Variants in ZMYM2 observed in about 807,000 individuals in gnomAD.
ZMYM2 encodes the protein zinc finger MYM-type containing 2, also known as zinc finger MYM-type protein 2.
In ZMYM2, 56 loss-of-function variants were observed where a neutral mutation model predicts 162.8. The observed-to-expected ratio is 0.34, with a 90% confidence interval of 0.28 to 0.43. The LOEUF (loss-of-function observed/expected upper bound fraction) is 0.43, where lower values mean the gene tolerates loss of function less well. Ranked by LOEUF, ZMYM2 falls within the 20% of genes least tolerant of loss-of-function variation. ZMYM2 has a pLI of 1.00. For missense variants in ZMYM2, 1,275 were observed against 1,621.8 expected (o/e 0.79, Z 3.67); for synonymous variants, 510 against 541.6 (o/e 0.94, Z 0.81).
At chr13:19,947,451 C>CTT in the ZMYM2 span, among the ~76,000 whole-genome samples, 6 of 130,054 alleles carry the variant, frequency 4.6e-5, no homozygotes, top group African/African-American at 1.1e-4. Flanking sequence ...TCTTCTTCGT[C>CTT]TTTTTTTTTT....
At chr13:20,061,963 A>G (rs1310148678) in intron 17 of ZMYM2, among the ~76,000 whole-genome samples, 1 of 152,242 alleles carries the variant, frequency 6.6e-6, no homozygotes, top group East Asian at 1.9e-4. Flanking sequence ...CTGTTAGGGC[A>G]GTGCTTGCGC....
intron 3 of ZMYM2, among the ~76,000 whole-genome samples, chr13:20,000,986 T>A (rs1950346165): frequency 6.6e-6 from 1 of 152,138 alleles, no homozygotes; most frequent in African/African-American, 2.4e-5. Context: ...TAACCAGAGT[T>A]TGGAAGAAGT....
chr13:20,059,811 G>A (rs963907942), intron 16 of ZMYM2, among the ~76,000 whole-genome samples: 7 of 151,886 alleles, frequency 4.6e-5, no homozygotes, highest in East Asian at 1.9e-4. Flanking sequence ...TAAGGTAGGC[G>A]TATCTTCAGC....
intron 2 of ZMYM2, among the ~76,000 whole-genome samples, chr13:19,988,914 T>G (rs1949389451): frequency 6.6e-6 from 1 of 152,248 alleles, no homozygotes; most frequent in African/African-American, 2.4e-5. Flanking sequence ...TTTTGTCAAC[T>G]GTATATCATC....
At chr13:19,907,163 G>A in the ZMYM2 span, among the ~76,000 whole-genome samples, 1 of 152,022 alleles carries the variant, frequency 6.6e-6, no homozygotes, top group Non-Finnish European at 1.5e-5. Flanking sequence ...CTTACATATT[G>A]AGTTGCATTT....
intron 11 of ZMYM2, among the ~76,000 whole-genome samples, chr13:20,035,043 C>T (rs1426728849): frequency 6.6e-6 from 1 of 152,184 alleles, no homozygotes; most frequent in African/African-American, 2.4e-5. Flanking sequence ...CCCAATGTGA[C>T]ATTCTTGCTC....
At chr13:20,030,018 C>G (rs1952940235) in intron 9 of ZMYM2, among the ~76,000 whole-genome samples, 1 of 151,902 alleles carries the variant, frequency 6.6e-6, no homozygotes, top group African/African-American at 2.4e-5. Context: ...TGGTCTCGAA[C>G]TCCTGACTTC....
chr13:19,911,986 G>C, the ZMYM2 span, among the ~76,000 whole-genome samples: 1 of 152,356 alleles, frequency 6.6e-6, no homozygotes, highest in East Asian at 1.9e-4. Context: ...TTTGGCCCCT[G>C]TGCCAGAAGA....
At chr13:20,058,853 T>C (rs1292513553) in intron 15 of ZMYM2, 149 bp downstream of exon 15, 2 of 998,004 alleles carry the variant, frequency 2.0e-6, no homozygotes, top group Non-Finnish European at 3.2e-6. Flanking sequence ...TTTTAGATAT[T>C]ACCTGGAGAA....
At chr13:20,085,524 A>G (rs1237223955) in intron 24 of ZMYM2, among the ~76,000 whole-genome samples, 1 of 152,164 alleles carries the variant, frequency 6.6e-6, no homozygotes, top group Non-Finnish European at 1.5e-5. Context: ...AAATTGTTGC[A>G]TCTTGAAATC....
intron 6 of ZMYM2, among the ~76,000 whole-genome samples, chr13:20,009,075 A>G (rs1950970512): frequency 6.6e-6 from 1 of 152,182 alleles, no homozygotes; most frequent in South Asian, 2.1e-4. Context: ...AGAAATGACA[A>G]GGTAGATATG....
chr13:19,938,599 T>G, the ZMYM2 span, among the ~76,000 whole-genome samples: 1 of 152,222 alleles, frequency 6.6e-6, no homozygotes, highest in Non-Finnish European at 1.5e-5. Flanking sequence ...GGGGCCATTA[T>G]TTTGGATTGA....
intron 1 of ZMYM2, among the ~76,000 whole-genome samples, chr13:19,959,056 C>T (rs1451834062): frequency 2.6e-5 from 4 of 151,510 alleles, no homozygotes; most frequent in African/African-American, 2.4e-5. Context: ...GGGGGCAGCT[C>T]GGGGCTGCGC....
chr13:20,049,108 A>G (rs1955080907), intron 12 of ZMYM2, among the ~76,000 whole-genome samples: 1 of 151,974 alleles, frequency 6.6e-6, no homozygotes. Context: ...CAAAGAAACA[A>G]AAGTTCACAA....
At chr13:19,879,441 AAAAG>A in the ZMYM2 span, among the ~76,000 whole-genome samples, 3 of 152,200 alleles carry the variant, frequency 2.0e-5, no homozygotes, top group Admixed American at 6.5e-5. Flanking sequence ...AATTTAAGAA[AAAAG>A]AAAATAATTT....
chr13:19,949,337 C>T, the ZMYM2 span, among the ~76,000 whole-genome samples: 3 of 152,044 alleles, frequency 2.0e-5, no homozygotes, highest in Non-Finnish European at 2.9e-5. Flanking sequence ...GAACCGGGAC[C>T]TGGGAGGTGG....
intron 2 of ZMYM2, among the ~76,000 whole-genome samples, chr13:19,989,442 T>TA: frequency 6.6e-6 from 1 of 152,264 alleles, no homozygotes; most frequent in African/African-American, 2.4e-5. Context: ...TAGCTGGAAT[T>TA]ACAGGTGCAT....
At chr13:19,976,717 C>T (rs769651280) in intron 2 of ZMYM2, among the ~76,000 whole-genome samples, 1 of 152,174 alleles carries the variant, frequency 6.6e-6, no homozygotes, top group African/African-American at 2.4e-5. Flanking sequence ...CATGGTTCTA[C>T]GTTATAGCGT....
At chr13:20,020,474 C>T (rs895830591) in intron 7 of ZMYM2, among the ~76,000 whole-genome samples, 12 of 152,116 alleles carry the variant, frequency 7.9e-5, no homozygotes, top group African/African-American at 2.9e-4. Context: ...ATCCACCTGC[C>T]TCGGCCTCCC....
Sources: gnomAD v4.1 joint callset for allele counts (sites outside exome capture counted in the v4.1 genomes callset) on GRCh38, gnomAD v4.1.1 for gene constraint, MANE v1.5 for transcripts, NCBI Gene and HGNC (gene_info 2026-07-23, HGNC 2026-07-21) for gene names.